The following MINDY4 variants were observed in gnomAD, a reference collection of about 807,000 sequenced individuals.
MINDY4 encodes probable ubiquitin carboxyl-terminal hydrolase MINDY-4.
A neutral mutation model predicts 87.0 loss-of-function variants in MINDY4; 68 were observed. The observed-to-expected ratio is 0.78, with a 90% CI of 0.64 to 0.96. The LOEUF is 0.96. Ranked by LOEUF, MINDY4 falls within the 40% of genes least tolerant of loss-of-function variation. The pLI is 0.00. For synonymous variants in MINDY4, 379 were observed against 363.2 expected, an observed-to-expected ratio of 1.04 and a Z score of -0.50; for missense variants, 919 against 928.2, an observed-to-expected ratio of 0.99 and a Z score of 0.13.
At chr7:30,882,663 A>G (rs541618408) in intron 16 of MINDY4, among the ~76,000 whole-genome samples, 6 of 152,224 alleles carry the variant, frequency 3.9e-5, no homozygotes, top group South Asian at 4.1e-4. Context: ...GTGGCGAGCC[A>G]TGGAAGGTTT....
rs765673624 is a variant in MINDY4, at chr7:30,785,808, A to G, written c.479A>G (p.His160Arg). ...TTTGTATCATCTAAAAGGCCCCCGC[A>G]CAAAAGTAAGCCCATGCAGACGGTC... is the stretch of plus-strand genomic sequence containing the variant. ...GNFVSSKRPP[H>R]KSKPMQTVPG... Residue 160 changes from histidine (H) to arginine (R), a missense_variant, in exon 4 of 18, where the codon CAC becomes CGC. His to Arg is a conservative substitution (Grantham distance 29). Transcript: ENST00000265299. The G allele has an allele frequency of 3.1e-6, 5 of 1,614,236 alleles. No homozygotes were observed. In the South Asian group the frequency reaches 5.5e-5, roughly 18 times the overall value.
At position 30,782,178 on chromosome 7, in the gene MINDY4, T is replaced by C; in HGVS notation, c.385T>C (p.Trp129Arg). ...TGACCTTTCAGATGAAGATGCAGGA[T>C]GGAGAACATCATTGTCAGAAACAAG... ...IYDLSDEDAG[W>R]RTSLSETSKA... The change falls in exon 3 of 18, where the codon TGG becomes CGG. Residue 129 changes from tryptophan to arginine, a missense_variant. Transcript: ENST00000265299. 6.2e-7 allele frequency: 1 copy of C among 1,613,698 alleles called. No homozygotes were observed. Among genetic ancestry groups the C allele is most frequent in the Non-Finnish European group, 8.5e-7 (1 of 1,179,848 alleles).
In MINDY4 at chr7:30,828,688, G is replaced by C; in HGVS notation, c.1083G>C (p.Gln361His). The C allele has an allele frequency of 6.2e-7, 1 of 1,613,954 alleles. No homozygotes were observed. Among genetic ancestry groups the C allele is most frequent in the Non-Finnish European group, 8.5e-7 (1 of 1,180,020 alleles). The change falls in exon 6 of 18, where the codon CAG (glutamine) becomes CAC (histidine). Residue 361 changes from glutamine to histidine, a missense_variant. Coordinates refer to ENST00000265299, the MANE Select transcript of MINDY4 (RefSeq NM_032222.3). ...ATTTTCTATTTTCCAGGAAAAATCAGTTGCTGCCGTCTGACAAGGTGGATG... is the reference window on the plus strand; with the variant it reads ...ATTTTCTATTTTCCAGGAAAAATCACTTGCTGCCGTCTGACAAGGTGGATG... ...GSQPAPVRKN[Q>H]LLPSDKVDGE...
chr7:30,886,990 G>A (rs1449935378), intron 17 of MINDY4, among the ~76,000 whole-genome samples: 1 of 152,234 alleles, frequency 6.6e-6, no homozygotes, highest in Non-Finnish European at 1.5e-5. Context: ...ACAGTCCAGA[G>A]AAAAGAGGAA....
At position 30,782,117 on chromosome 7, in the gene MINDY4, A is replaced by G. The variant is rs1787023578; in HGVS notation, c.324A>G (p.Pro108=). The change falls in exon 3 of 18, where the codon CCA becomes CCG. Residue 108 remains proline, a synonymous_variant. Coordinates refer to ENST00000265299, the MANE Select transcript of MINDY4 (RefSeq NM_032222.3). ...LSVPKKNNKV[P]SRCSETTLVN... is the part of the protein sequence containing the mutation. ...TTCCAAAGAAAAATAACAAAGTGCC[A>G]TCAAGATGCTCAGAGACTACACTGG... 1.2e-6 allele frequency: 2 copies of G among 1,614,164 alleles called. No individual in the cohort carries two copies. Among genetic ancestry groups the G allele is most frequent in the South Asian group, 1.1e-5 (1 of 91,072 alleles).
intron 12 of MINDY4, 115 bp downstream of exon 12, chr7:30,853,574 A>C (rs1789483985): frequency 1.1e-6 from 1 of 944,796 alleles, no homozygotes; most frequent in African/African-American, 1.6e-5. Context: ...TGGGATGGCG[A>C]GGAAGCTGGG....
At chr7:30,890,953 C>T (rs1318879842) in intron 17 of MINDY4, among the ~76,000 whole-genome samples, 2 of 152,142 alleles carry the variant, frequency 1.3e-5, no homozygotes, top group Non-Finnish European at 2.9e-5. Context: ...TGTAGATGTA[C>T]AATTCAGTTG....
chr7:30,805,680 G>A (rs949213554), intron 5 of MINDY4, among the ~76,000 whole-genome samples: 1 of 152,122 alleles, frequency 6.6e-6, no homozygotes, highest in Non-Finnish European at 1.5e-5. Context: ...TTTGGAGAGA[G>A]CACCTTGAGC....
Position 30,892,208 on chromosome 7 carries a change from C to CAGCACAGTCTTGGG in MINDY4, c.*203_*204insAGCACAGTCTTGGG. Reference sequence around the variant, plus strand: ...GGGACCCAGTGTGTTGCTGGGTCCCCTCCCAGCTGAGCTGTGACTGCTGAG... The same window carrying CAGCACAGTCTTGGG: ...GGGACCCAGTGTGTTGCTGGGTCCCCAGCACAGTCTTGGGTCCCAGCTGAGCTGTGACTGCTGAG... On this transcript the variant is annotated 3_prime_UTR_variant, in exon 18 of 18. Transcript: ENST00000265299. 3.4e-6 allele frequency: 2 copies of CAGCACAGTCTTGGG among 588,350 alleles called. No individual in the cohort carries two copies. The highest frequency in any genetic ancestry group is 2.1e-5 in the South Asian group (1 of 48,380). 36.4% of individuals were successfully genotyped at this position (588,350 alleles called of 1,614,324 possible).
At chr7:30,846,644 C>G (rs938546318) in intron 9 of MINDY4, among the ~76,000 whole-genome samples, 6 of 152,020 alleles carry the variant, frequency 3.9e-5, no homozygotes, top group Non-Finnish European at 8.8e-5. Flanking sequence ...TCTGTGGGTG[C>G]AGGTTCTCAC....
intron 5 of MINDY4, among the ~76,000 whole-genome samples, chr7:30,811,381 C>T (rs150566135): frequency 2.9e-3 from 442 of 152,336 alleles, no homozygotes; most frequent in African/African-American, 0.01. Context: ...AAAGCTTCAT[C>T]GCTACCTTCA....
At chr7:30,850,601 G>T (rs1789386138) in intron 10 of MINDY4, 46 bp downstream of exon 10, 1 of 1,521,148 alleles carries the variant, frequency 6.6e-7, no homozygotes, top group East Asian at 2.4e-5. Flanking sequence ...TCGTCTGCTG[G>T]CAGCTGCCGG....
chr7:30,888,349 A>G (rs1158442542), intron 17 of MINDY4, among the ~76,000 whole-genome samples: 2 of 152,160 alleles, frequency 1.3e-5, no homozygotes, highest in African/African-American at 2.4e-5. Flanking sequence ...GCCCTGGGAG[A>G]GGATGCTAAA....
In MINDY4 at chr7:30,782,162, A is replaced by G. The variant is rs1361629629; in HGVS notation, c.369A>G (p.Ser123=). 5 of 1,613,958 alleles carry G rather than the reference A, an allele frequency of 3.1e-6. No individual in the cohort carries two copies. Among genetic ancestry groups the G allele is most frequent in the African/African-American group, 1.3e-5 (1 of 74,942 alleles). Residue 123 remains serine (S), a synonymous_variant, in exon 3 of 18, where the codon TCA becomes TCG. Transcript: ENST00000265299. The part of the protein sequence containing the change: ...ETTLVNIYDL[S]DEDAGWRTSL... ...CACTGGTAAATATATATGACCTTTC[A>G]GATGAAGATGCAGGATGGAGAACAT...
In MINDY4 at chr7:30,892,251, C is replaced by T. The variant is rs1204187962; in HGVS notation, c.*246C>T. 1 of 514,486 alleles carries T rather than the reference C, an allele frequency of 1.9e-6. No homozygotes were observed. The highest frequency in any genetic ancestry group is 3.5e-6 in the Non-Finnish European group (1 of 289,042). 31.9% of individuals were successfully genotyped at this position (514,486 alleles called of 1,614,324 possible). ...CTGCTGAGTACTGGAAGGAGGTTGCCAGGGTCTCTGCTACCTTTGTCTGCA... is the reference window on the plus strand; with the variant it reads ...CTGCTGAGTACTGGAAGGAGGTTGCTAGGGTCTCTGCTACCTTTGTCTGCA... On this transcript the variant is annotated 3_prime_UTR_variant, in exon 18 of 18. Coordinates refer to ENST00000265299, the MANE Select transcript of MINDY4 (RefSeq NM_032222.3).
intron 17 of MINDY4, among the ~76,000 whole-genome samples, chr7:30,888,983 C>CCTAATACCTGA (rs1790713861): frequency 6.6e-6 from 1 of 152,018 alleles, no homozygotes; most frequent in South Asian, 2.1e-4. Flanking sequence ...CTTGGGAGCT[C>CCTAATACCTGA]ATACGAGGTA....
Position 30,882,147 on chromosome 7 carries a change from A to T in MINDY4, c.1972-34A>T, listed in dbSNP as rs1449820718. 8 of 1,563,414 alleles carry T rather than the reference A, an allele frequency of 5.1e-6. No homozygotes were observed. In the African/African-American group the frequency reaches 8.2e-5, roughly 16 times the overall value. ...AATGCCCGGACCCCTTTCCCTGGGG[A>T]CGGCATTTCACATCAGGCCTCTCCC... On this transcript the variant is annotated intron_variant, in intron 15 of 17. Transcript: ENST00000265299.
At chr7:30,800,239 T>A (rs1584252424) in intron 5 of MINDY4, among the ~76,000 whole-genome samples, 1 of 152,158 alleles carries the variant, frequency 6.6e-6, no homozygotes, top group Non-Finnish European at 1.5e-5. Context: ...GCAAAGCCTG[T>A]CCCTGGATAT....
chr7:30,838,755 A>G (rs1788937449), intron 7 of MINDY4, among the ~76,000 whole-genome samples: 1 of 152,156 alleles, frequency 6.6e-6, no homozygotes, highest in Non-Finnish European at 1.5e-5. Flanking sequence ...ACCCTCAGCA[A>G]CTGGGGTTTA....
Sources: allele counts gnomAD v4.1 joint callset (sites outside exome capture counted in the v4.1 genomes callset), GRCh38; gene constraint gnomAD v4.1.1; transcripts MANE v1.5; gene names NCBI Gene and HGNC (gene_info 2026-07-23, HGNC 2026-07-21).